AGL: variants seen among roughly 807,000 people sequenced by gnomAD.
The protein encoded by AGL is amylo-alpha-1,6-glucosidase and 4-alpha-glucanotransferase.
AGL carries 128 observed loss-of-function variants against 199.3 expected under a neutral mutation model. The ratio of observed to expected loss-of-function variants is 0.64; its 90% CI spans 0.56 to 0.74. AGL has a LOEUF of 0.74. Ranked by LOEUF, AGL falls within the 30% of genes least tolerant of loss-of-function variation. The pLI, the probability that AGL is intolerant of heterozygous loss-of-function variation, is 0.00. For synonymous variants in AGL, 584 were observed against 594.7 expected (o/e 0.98, Z 0.26); for missense variants, 1,809 against 1,820.8 (o/e 0.99, Z 0.12).
intron 12 of AGL, 130 bp downstream of exon 12, chr1:99,877,958 T>G: frequency 1.2e-6 from 1 of 836,468 alleles, no homozygotes; most frequent in Admixed American, 2.0e-5. Context: ...GGTGGTAGTA[T>G]TTATCACTAT....
intron 5 of AGL, among the ~76,000 whole-genome samples, chr1:99,867,372 G>T (rs1650606288): frequency 6.6e-6 from 1 of 152,052 alleles, no homozygotes; most frequent in South Asian, 2.1e-4. Context: ...TTACACAAAT[G>T]CCTCTGTTAT....
chr1:99,869,830 T>C (rs1650834040), intron 5 of AGL, among the ~76,000 whole-genome samples: 1 of 152,188 alleles, frequency 6.6e-6, no homozygotes, highest in Admixed American at 6.5e-5. Context: ...AAATTATCTG[T>C]TTTTAAATAG....
At position 99,884,627 on chromosome 1, in the gene AGL, C is replaced by T. The variant is rs1057516254; in HGVS notation, c.2605C>T (p.Gln869Ter). Residue 869 changes from glutamine (Q) to a stop codon, truncating the protein, a stop_gained, in exon 20 of 34, where the codon CAA (glutamine) becomes TAA (stop). Coordinates refer to ENST00000361915, the MANE Select transcript of AGL (RefSeq NM_000642.3). LOFTEE classifies it high-confidence loss of function. Reference sequence around the variant, plus strand: ...TGGAATTCTTCGAAATCATCTGACACAATTCAGTCCTCACTTTAAATCTGG... The same window carrying T: ...TGGAATTCTTCGAAATCATCTGACATAATTCAGTCCTCACTTTAAATCTGG... ...AVGILRNHLT[Q>*]FSPHFKSGSL... 1 of 1,613,798 alleles carries T rather than the reference C, an allele frequency of 6.2e-7. No homozygotes were observed. Among genetic ancestry groups the T allele is most frequent in the Non-Finnish European group, 8.5e-7 (1 of 1,179,744 alleles).
chr1:99,861,458 A>AT, intron 2 of AGL, 45 bp from the exon 3 acceptor site: 1 of 1,612,396 alleles, frequency 6.2e-7, no homozygotes, highest in South Asian at 1.1e-5. Flanking sequence ...CAATGTGGTA[A>AT]TTTAAGTCCT....
rs1012713644 is a variant in AGL, at chr1:99,890,137, C to T, written c.2813-1083C>T. On this transcript the variant is annotated intron_variant, in intron 21 of 33. Coordinates refer to ENST00000361915, the MANE Select transcript of AGL (RefSeq NM_000642.3). ...GGGTACACCATATCCTTTTTATTAC[C>T]ACAGTTTTCACTCTATTCTAGGACT... 4.6e-5 allele frequency among the ~76,000 whole-genome samples: 7 copies of T among 152,072 alleles called. 1 individual carries two copies. The South Asian group carries it at 8.3e-4, about 18-fold the overall frequency.
At chr1:99,907,700 T>TTTGTTTTTTTTTTTGCTAG (rs1654420581) in intron 27 of AGL, among the ~76,000 whole-genome samples, 1 of 138,008 alleles carries the variant, frequency 7.2e-6, no homozygotes, top group African/African-American at 2.7e-5. Flanking sequence ...TTTGTTTTTT[T>TTTGTTTTTTTTTTTGCTAG]TGCTAGTAGC....
At position 99,870,488 on chromosome 1, in the gene AGL, CAG is replaced by C. The variant is rs770357684; in HGVS notation, c.756_757del (p.Arg252SerfsTer8). 1 of 1,613,918 alleles carries C rather than the reference CAG, an allele frequency of 6.2e-7. No homozygotes were observed. Among genetic ancestry groups the C allele is most frequent in the Non-Finnish European group, 8.5e-7 (1 of 1,179,910 alleles). ...PHLKPAWVLD[R>X]ALWRFSCDVA... ...ACTTAAAACCTGCCTGGGTCTTAGACAGAGCACTTTGGCGTTTCTCCTGTGAT... is the reference window on the plus strand; with the variant it reads ...ACTTAAAACCTGCCTGGGTCTTAGACAGCACTTTGGCGTTTCTCCTGTGAT... On this transcript the variant is annotated frameshift_variant, in exon 6 of 34. Transcript: ENST00000361915. LOFTEE classifies it high-confidence loss of function.
chr1:99,880,781 G>A lies in AGL; in HGVS notation c.1885G>A (p.Glu629Lys), dbSNP rs146041189. 2.5e-4 allele frequency: 407 copies of A among 1,613,954 alleles called. No homozygotes were observed. The African/African-American group carries it at 4.8e-3, about 19-fold the overall frequency. ...ALFMDITHDNECPIVHRSAYD... is the reference protein window; with the variant it reads ...ALFMDITHDNKCPIVHRSAYD... ...GTTTATGGATATTACGCATGATAAT[G>A]AGTGTCCTATTGTGGTAAGCACCTA... The change falls in exon 14 of 34, where the codon GAG becomes AAG. Residue 629 changes from glutamate to lysine, a missense_variant. Transcript: ENST00000361915.
intron 33 of AGL, among the ~76,000 whole-genome samples, chr1:99,921,295 A>G (rs995425531): frequency 1.3e-5 from 2 of 152,154 alleles, no homozygotes; most frequent in Non-Finnish European, 2.9e-5. Context: ...AGTTTCTTCT[A>G]TGTTTTTAAT....
At chr1:99,872,373 A>C (rs1651092134) in intron 7 of AGL, among the ~76,000 whole-genome samples, 1 of 152,190 alleles carries the variant, frequency 6.6e-6, no homozygotes, top group South Asian at 2.1e-4. Context: ...TACATTGTTA[A>C]ACATGGAATT....
intron 33 of AGL, among the ~76,000 whole-genome samples, chr1:99,917,082 A>C (rs923489190): frequency 1.3e-5 from 2 of 152,158 alleles, no homozygotes; most frequent in Non-Finnish European, 2.9e-5. Context: ...TTAAAGATAT[A>C]TCAAGAAATA....
intron 24 of AGL, among the ~76,000 whole-genome samples, chr1:99,894,259 A>G (rs1653135573): frequency 1.3e-5 from 2 of 152,176 alleles, no homozygotes; most frequent in South Asian, 2.1e-4. Flanking sequence ...TATGGAATCT[A>G]TTAGTTGTGT....
At chr1:99,879,301 G>A (rs190150326) in intron 12 of AGL, among the ~76,000 whole-genome samples, 1 of 152,160 alleles carries the variant, frequency 6.6e-6, no homozygotes, top group Admixed American at 6.6e-5. Flanking sequence ...AAATAAGCAA[G>A]CAGGCCCAGG....
chr1:99,853,481 G>C (rs1649143332), intron 2 of AGL, among the ~76,000 whole-genome samples: 1 of 152,158 alleles, frequency 6.6e-6, no homozygotes, highest in South Asian at 2.1e-4. Flanking sequence ...ATTTTTCACT[G>C]TCTGCTTCCT....
chr1:99,897,748 G>C (rs1653445795), intron 25 of AGL, among the ~76,000 whole-genome samples: 2 of 152,152 alleles, frequency 1.3e-5, no homozygotes, highest in Non-Finnish European at 1.5e-5. Flanking sequence ...TCTAATCCTG[G>C]TTCCAAACTA....
upstream of AGL, chr1:99,850,111 G>T (rs1278487812): frequency 6.6e-6 from 1 of 152,510 alleles, no homozygotes; most frequent in Non-Finnish European, 1.5e-5. Context: ...GGTACGGTCC[G>T]CTCCCACCTG....
intron 24 of AGL, among the ~76,000 whole-genome samples, chr1:99,895,749 C>T (rs1388881411): frequency 1.3e-5 from 2 of 152,138 alleles, no homozygotes. Context: ...GCAAGTTGGG[C>T]AGATCACTTG....
At chr1:99,910,472 C>T (rs1286519668) in intron 27 of AGL, among the ~76,000 whole-genome samples, 1 of 152,068 alleles carries the variant, frequency 6.6e-6, no homozygotes, top group African/African-American at 2.4e-5. Context: ...TCCATGTGCA[C>T]ATAAGTAAGG....
chr1:99,892,966 G>A (rs1343540868), intron 24 of AGL, among the ~76,000 whole-genome samples: 2 of 152,030 alleles, frequency 1.3e-5, no homozygotes, highest in African/African-American at 2.4e-5. Flanking sequence ...AAGAGGTCAT[G>A]TAAGGGTCCC....
Sources: gnomAD v4.1 joint callset for allele counts (sites outside exome capture counted in the v4.1 genomes callset) on GRCh38, gnomAD v4.1.1 for gene constraint, MANE v1.5 for transcripts, NCBI Gene and HGNC (gene_info 2026-07-23, HGNC 2026-07-21) for gene names.